The following PIK3C2G variants were observed in gnomAD, a reference collection of about 807,000 sequenced individuals.
PIK3C2G encodes phosphatidylinositol 3-kinase C2 domain-containing subunit gamma.
A neutral mutation model predicts 181.1 loss-of-function variants in PIK3C2G; 168 were observed. The observed-to-expected ratio is 0.93, with a 90% CI of 0.82 to 1.05. The LOEUF (loss-of-function observed/expected upper bound fraction) is 1.05. Ranked by LOEUF, PIK3C2G falls within the 50% of genes least tolerant of loss-of-function variation. The pLI, the probability that PIK3C2G is intolerant of heterozygous loss-of-function variation, is 0.00. For synonymous variants in PIK3C2G, 573 were observed against 592.2 expected, an observed-to-expected ratio of 0.97 and a Z score of 0.47; for missense variants, 1,869 against 1,732.8, an observed-to-expected ratio of 1.08 and a Z score of -1.40.
At chr12:18,440,059 T>C (rs967995614) in intron 18 of PIK3C2G, among the ~76,000 whole-genome samples, 2 of 152,106 alleles carry the variant, frequency 1.3e-5, no homozygotes, top group Non-Finnish European at 2.9e-5. Flanking sequence ...TTAAGCAAGA[T>C]ACTTAATTTT....
chr12:18,321,783 T>G (rs1951120129), intron 7 of PIK3C2G, among the ~76,000 whole-genome samples: 1 of 152,190 alleles, frequency 6.6e-6, no homozygotes, highest in African/African-American at 2.4e-5. Context: ...AGATCATGTC[T>G]CTTGCGGGAC....
chr12:18,515,887 C>T (rs1942504421), intron 24 of PIK3C2G, among the ~76,000 whole-genome samples: 1 of 151,764 alleles, frequency 6.6e-6, no homozygotes, highest in Admixed American at 6.6e-5. Context: ...TTGCTATATC[C>T]CACAGATTCT....
At chr12:18,515,913 C>A (rs551973499) in intron 24 of PIK3C2G, among the ~76,000 whole-genome samples, 11 of 151,996 alleles carry the variant, frequency 7.2e-5, no homozygotes, top group African/African-American at 2.4e-4. Flanking sequence ...GTTGTGTTTC[C>A]ATTTGAACTT....
At chr12:18,516,003 G>C (rs1942513381) in intron 24 of PIK3C2G, among the ~76,000 whole-genome samples, 1 of 151,884 alleles carries the variant, frequency 6.6e-6, no homozygotes, top group African/African-American at 2.4e-5. Flanking sequence ...TAAATGGCTT[G>C]CACATCATAA....
chr12:18,554,258 T>A (rs1044918060), intron 26 of PIK3C2G, among the ~76,000 whole-genome samples: 1 of 152,066 alleles, frequency 6.6e-6, no homozygotes, highest in African/African-American at 2.4e-5. Context: ...GAACTCTTAA[T>A]GTCCTGACTG....
chr12:18,624,268 C>T (rs1019413264), intron 31 of PIK3C2G, among the ~76,000 whole-genome samples: 1 of 151,434 alleles, frequency 6.6e-6, no homozygotes, highest in African/African-American at 2.4e-5. Flanking sequence ...TTAAATGCTG[C>T]TTTTTTTCTA....
At chr12:18,650,923 C>A (rs1260228753), downstream of PIK3C2G, among the ~76,000 whole-genome samples, 2 of 151,538 alleles carry the variant, frequency 1.3e-5, no homozygotes, top group Admixed American at 6.6e-5. Context: ...CAGTCTCCTC[C>A]TTTCTATGCT....
Position 18,587,216 on chromosome 12 carries a change from G to A in PIK3C2G, c.4012-7278G>A, listed in dbSNP as rs190015478. On this transcript the variant is annotated intron_variant, in intron 29 of 32. Coordinates refer to ENST00000538779, the MANE Select transcript of PIK3C2G (RefSeq NM_001288772.2). ...TGGAAGTCGTGGCCAGAGCAATAAGGCGAGAGAAATAAATAAAGGGCATCC... is the reference window on the plus strand; with the variant it reads ...TGGAAGTCGTGGCCAGAGCAATAAGACGAGAGAAATAAATAAAGGGCATCC... 1.7e-3 allele frequency among the ~76,000 whole-genome samples: 256 copies of A among 152,152 alleles called. 2 individuals are homozygous for A. The highest frequency in any genetic ancestry group is 3.1e-3 in the Non-Finnish European group (210 of 67,998).
Position 18,640,547 on chromosome 12 carries a change from A to G in PIK3C2G, c.4301A>G (p.Asn1434Ser). 6.3e-7 allele frequency: 1 copy of G among 1,595,494 alleles called. No individual in the cohort carries two copies. The highest frequency in any genetic ancestry group is 2.3e-5 in the East Asian group (1 of 44,344). ...CCAAAATGTACGGACCCCACTTACA[A>G]TGAAATTGTAAGTATAAGTCACCTT... ...SVPKCTDPTY[N>S]EIVVYDEVTE... The change falls in exon 32 of 33, where the codon AAT becomes AGT. Residue 1434 changes from asparagine (N) to serine (S), a missense_variant. Transcript: ENST00000538779.
chr12:18,428,380 A>AT (rs1050592531), intron 18 of PIK3C2G, among the ~76,000 whole-genome samples: 55 of 151,156 alleles, frequency 3.6e-4, no homozygotes, highest in Non-Finnish European at 5.3e-4. Flanking sequence ...AGTTTATGAG[A>AT]TTTTTTTTCA....
chr12:18,321,434 C>T (rs1216658700), intron 7 of PIK3C2G, among the ~76,000 whole-genome samples: 1 of 152,146 alleles, frequency 6.6e-6, no homozygotes, highest in African/African-American at 2.4e-5. Context: ...ATCATAAATA[C>T]AGGAGTGTAA....
chr12:18,725,405 T>G, the PIK3C2G span, among the ~76,000 whole-genome samples: 1 of 151,994 alleles, frequency 6.6e-6, no homozygotes, highest in Non-Finnish European at 1.5e-5. Context: ...CACAAAAATC[T>G]TAGGTAAATT....
intron 1 of PIK3C2G, among the ~76,000 whole-genome samples, chr12:18,277,411 C>T (rs1442904836): frequency 6.6e-6 from 1 of 152,156 alleles, no homozygotes; most frequent in Non-Finnish European, 1.5e-5. Context: ...TAGTTACAGA[C>T]TTCCTTTCCA....
the PIK3C2G span, among the ~76,000 whole-genome samples, chr12:18,682,619 G>A: frequency 6.6e-6 from 1 of 152,142 alleles, no homozygotes; most frequent in South Asian, 2.1e-4. Flanking sequence ...ATCCAAGCAT[G>A]TAAGTCCACA....
chr12:18,499,457 A>C (rs1941255648), intron 22 of PIK3C2G, among the ~76,000 whole-genome samples: 1 of 152,190 alleles, frequency 6.6e-6, no homozygotes, highest in African/African-American at 2.4e-5. Flanking sequence ...GTTTCCACGA[A>C]GTTTCCATGA....
At chr12:18,706,905 A>G in the PIK3C2G span, among the ~76,000 whole-genome samples, 3 of 152,208 alleles carry the variant, frequency 2.0e-5, no homozygotes, top group South Asian at 4.1e-4. Flanking sequence ...ACTGGTCTCA[A>G]ATCAAGGTGT....
chr12:18,410,685 G>T (rs753622509), intron 16 of PIK3C2G, among the ~76,000 whole-genome samples: 3 of 152,014 alleles, frequency 2.0e-5, no homozygotes, highest in Non-Finnish European at 4.4e-5. Flanking sequence ...AGATGAATTT[G>T]CTTAGAGAGA....
At chr12:18,396,332 C>T (rs1163275812) in intron 15 of PIK3C2G, among the ~76,000 whole-genome samples, 1 of 151,458 alleles carries the variant, frequency 6.6e-6, no homozygotes, top group Admixed American at 6.6e-5. Context: ...ATGATAAAAA[C>T]TCACAAAACT....
chr12:18,340,410 CAG>C (rs1269393036), intron 9 of PIK3C2G, among the ~76,000 whole-genome samples: 3 of 152,174 alleles, frequency 2.0e-5, no homozygotes, highest in Non-Finnish European at 4.4e-5. Flanking sequence ...AAGCTTGTAT[CAG>C]AGTCTTAAAA....
Sources: allele counts gnomAD v4.1 joint callset (sites outside exome capture counted in the v4.1 genomes callset), GRCh38; gene constraint gnomAD v4.1.1; transcripts MANE v1.5; gene names NCBI Gene and HGNC (gene_info 2026-07-23, HGNC 2026-07-21).